The following SIPA1L1 variants were observed in gnomAD, a reference collection of about 807,000 sequenced individuals.
SIPA1L1 encodes signal induced proliferation associated 1 like 1.
A neutral mutation model predicts 162.7 loss-of-function variants in SIPA1L1; 26 were observed. The ratio of observed to expected loss-of-function variants is 0.16; its 90% CI spans 0.12 to 0.22. The LOEUF (loss-of-function observed/expected upper bound fraction) is 0.22, where lower values mean the gene tolerates loss of function less well. Ranked by LOEUF, SIPA1L1 falls within the 10% of genes least tolerant of loss-of-function variation. SIPA1L1 has a pLI of 1.00. For synonymous variants in SIPA1L1, 829 were observed against 837.4 expected (o/e 0.99, Z 0.17); for missense variants, 1,874 against 2,241.0 (o/e 0.84, Z 3.31).
intron 2 of SIPA1L1, among the ~76,000 whole-genome samples, chr14:71,477,237 G>A (rs1357121512): frequency 6.6e-6 from 1 of 152,020 alleles, no homozygotes; most frequent in African/African-American, 2.4e-5. Flanking sequence ...CTCCAGCCTG[G>A]GCGACAGAGC....
intron 7 of SIPA1L1, among the ~76,000 whole-genome samples, chr14:71,641,616 T>C (rs1231378970): frequency 6.6e-6 from 1 of 152,076 alleles, no homozygotes; most frequent in East Asian, 1.9e-4. Flanking sequence ...CCAGCTACTC[T>C]GGAGGCTGAG....
At chr14:71,516,315 T>C (rs2051724442) in intron 3 of SIPA1L1, among the ~76,000 whole-genome samples, 1 of 152,238 alleles carries the variant, frequency 6.6e-6, no homozygotes, top group African/African-American at 2.4e-5. Context: ...ATTGATACAC[T>C]CTACTTGATC....
At chr14:71,635,411 A>G (rs2041035955) in intron 7 of SIPA1L1, among the ~76,000 whole-genome samples, 1 of 152,240 alleles carries the variant, frequency 6.6e-6, no homozygotes, top group African/African-American at 2.4e-5. Context: ...TGCTATAACA[A>G]TGTCAAATGT....
intron 2 of SIPA1L1, among the ~76,000 whole-genome samples, chr14:71,436,036 G>T (rs2044353022): frequency 6.6e-6 from 1 of 152,102 alleles, no homozygotes; most frequent in Non-Finnish European, 1.5e-5. Context: ...AATTTCATAG[G>T]TGAAAAAATG....
chr14:71,680,224 G>A (rs1028230380), intron 12 of SIPA1L1, among the ~76,000 whole-genome samples: 1 of 152,164 alleles, frequency 6.6e-6, no homozygotes, highest in Non-Finnish European at 1.5e-5. Context: ...GTGACAAACT[G>A]TCTCTCAGAC....
intron 1 of SIPA1L1, 112 bp from the exon 2 acceptor site, chr14:71,321,010 C>A (rs970761246): frequency 6.6e-6 from 1 of 152,214 alleles, no homozygotes; most frequent in Non-Finnish European, 1.5e-5. Flanking sequence ...TCCCTCGGGC[C>A]CCCCTCCGCT....
At chr14:71,610,848 T>C (rs963619641) in intron 5 of SIPA1L1, among the ~76,000 whole-genome samples, 1 of 152,204 alleles carries the variant, frequency 6.6e-6, no homozygotes, top group Non-Finnish European at 1.5e-5. Flanking sequence ...TTCCATGTAA[T>C]CTTGGCAAAT....
intron 7 of SIPA1L1, among the ~76,000 whole-genome samples, chr14:71,637,096 A>AT (rs56744567): frequency 0.36 from 51,916 of 142,454 alleles, 10,514 homozygotes; most frequent in East Asian, 0.65. Flanking sequence ...TTAAAAAAAA[A>AT]TTTTTTTTTT....
At chr14:71,577,136 C>T (rs2033172560) in intron 4 of SIPA1L1, among the ~76,000 whole-genome samples, 1 of 151,246 alleles carries the variant, frequency 6.6e-6, no homozygotes, top group East Asian at 1.9e-4. Flanking sequence ...TGAAGGTTCT[C>T]AAAGTGACAT....
At chr14:71,355,300 C>T (rs1195438095) in intron 2 of SIPA1L1, among the ~76,000 whole-genome samples, 2 of 152,184 alleles carry the variant, frequency 1.3e-5, no homozygotes, top group African/African-American at 2.4e-5. Flanking sequence ...TGCATAATCA[C>T]TTCTCAGTGC....
At chr14:71,389,908 G>A (rs946820352) in intron 2 of SIPA1L1, among the ~76,000 whole-genome samples, 6 of 152,166 alleles carry the variant, frequency 3.9e-5, no homozygotes, top group African/African-American at 1.4e-4. Flanking sequence ...AAGTGCATTC[G>A]CTGGTACTAG....
intron 2 of SIPA1L1, among the ~76,000 whole-genome samples, chr14:71,359,563 G>A (rs955143898): frequency 1.3e-5 from 2 of 152,178 alleles, no homozygotes; most frequent in Non-Finnish European, 1.5e-5. Flanking sequence ...CTGCCACATA[G>A]TAGATAATAA....
At chr14:71,597,921 T>C (rs117002088) in intron 5 of SIPA1L1, among the ~76,000 whole-genome samples, 209 of 152,300 alleles carry the variant, frequency 1.4e-3, no homozygotes, top group Non-Finnish European at 2.5e-3. Context: ...GCTTTGAAGG[T>C]AAGGGCCACA....
At chr14:71,517,261 A>G (rs956731916) in intron 3 of SIPA1L1, among the ~76,000 whole-genome samples, 1 of 152,164 alleles carries the variant, frequency 6.6e-6, no homozygotes, top group Non-Finnish European at 1.5e-5. Flanking sequence ...TTTAATGACT[A>G]TTAAGTGATA....
intron 4 of SIPA1L1, among the ~76,000 whole-genome samples, chr14:71,535,839 G>A (rs948356085): frequency 6.6e-5 from 10 of 151,948 alleles, no homozygotes; most frequent in Non-Finnish European, 1.3e-4. Flanking sequence ...CAAACTCCTG[G>A]CCTCAAGTGA....
At position 71,723,938 on chromosome 14, in the gene SIPA1L1, G is replaced by T. The variant is rs1243984108; in HGVS notation, c.4448+52G>T. ...GGTGGCTTGCTTTTAACAGGACAGA[G>T]AATAGAAAAGCTTGGCGTGATCTCT... On this transcript the variant is annotated intron_variant, in intron 18 of 23. Transcript: ENST00000381232. The T allele has an allele frequency of 3.1e-6, 5 of 1,605,192 alleles. No individual in the cohort carries two copies. The South Asian group carries it at 4.4e-5, about 14-fold the overall frequency.
chr14:71,392,299 C>T (rs1312308745), intron 2 of SIPA1L1, among the ~76,000 whole-genome samples: 1 of 152,186 alleles, frequency 6.6e-6, no homozygotes, highest in Non-Finnish European at 1.5e-5. Context: ...TGATCGCTTT[C>T]TTCTCACTCG....
chr14:71,662,872 A>G (rs1449116323), intron 10 of SIPA1L1, among the ~76,000 whole-genome samples: 1 of 152,204 alleles, frequency 6.6e-6, no homozygotes, highest in Non-Finnish European at 1.5e-5. Context: ...ATGGATAACT[A>G]TTTGCATTTA....
chr14:71,680,614 A>G (rs2045707998), intron 12 of SIPA1L1, among the ~76,000 whole-genome samples: 1 of 152,150 alleles, frequency 6.6e-6, no homozygotes, highest in African/African-American at 2.4e-5. Flanking sequence ...GACACAAAAA[A>G]CCCTTCAAAA....
Sources: gnomAD v4.1 joint callset for allele counts (sites outside exome capture counted in the v4.1 genomes callset) on GRCh38, gnomAD v4.1.1 for gene constraint, MANE v1.5 for transcripts, NCBI Gene and HGNC (gene_info 2026-07-23, HGNC 2026-07-21) for gene names.